RXRB: variants seen among roughly 807,000 people sequenced by gnomAD.
The protein encoded by RXRB is retinoid X receptor beta.
RXRB carries 18 observed loss-of-function variants against 52.5 expected under a neutral mutation model. That is an observed-to-expected ratio of 0.34 (90% CI 0.24 to 0.51). The LOEUF (loss-of-function observed/expected upper bound fraction) is 0.51, where lower values mean the gene tolerates loss of function less well. RXRB is among the 20% of genes least tolerant of loss of function. RXRB has a pLI of 0.97. For missense variants in RXRB, 455 were observed against 698.2 expected (o/e 0.65, Z 3.92); for synonymous variants, 233 against 267.1 (o/e 0.87, Z 1.25).
intron 1 of RXRB, 145 bp from the exon 2 acceptor site, chr6:33,199,561 A>G (rs970943949): frequency 1.1e-4 from 62 of 558,034 alleles, no homozygotes; most frequent in Middle Eastern, 4.7e-4. Flanking sequence ...CCCATCCCCA[A>G]GTTCAGAGAC....
chr6:33,200,245 G>T lies in RXRB; in HGVS notation c.232C>A (p.Arg78=). The T allele has an allele frequency of 6.2e-7, 1 of 1,605,814 alleles. No individual in the cohort carries two copies. The highest frequency in any genetic ancestry group is 1.1e-5 in the South Asian group (1 of 90,738). Residue 78 remains arginine, a synonymous_variant, in exon 1 of 10, where the codon CGG becomes AGG. Transcript: ENST00000374680. The surrounding 1 kb of genome is among the most constrained non-coding windows in gnomAD (Gnocchi z 6.3). The part of the protein sequence containing the change: ...AGRDGMGDSG[R]DSRSPDSSSP... ...GCCCTTCTGCTGGGGCACTCACCCC[G>T]CCCGCTGTCGCCCATCCCGTCCCGT...
upstream of RXRB, chr6:33,200,768 T>A (rs1328891808): frequency 4.0e-5 from 61 of 1,534,050 alleles, no homozygotes; most frequent in Non-Finnish European, 5.2e-5. This position sits in a 1 kb window ranked among gnomAD's most constrained non-coding sequence, Gnocchi z 6.3. Flanking sequence ...TCAAATCACC[T>A]CCACACTCGC....
chr6:33,195,796 A>C lies in RXRB; in HGVS notation c.1124-94T>G. 6.3e-7 allele frequency: 1 copy of C among 1,598,336 alleles called. No homozygotes were observed. The highest frequency in any genetic ancestry group is 8.5e-7 in the Non-Finnish European group (1 of 1,171,908). The stretch of plus-strand genomic sequence containing the variant: ...GAAGGAGAAAAGAGGTGGCGAGGTC[A>C]GCAAGTTTGGCTCCCTGGGTACGCA... On this transcript the variant is annotated intron_variant, in intron 6 of 9. Coordinates refer to ENST00000374680, the MANE Select transcript of RXRB (RefSeq NM_021976.5). The surrounding 1 kb of genome is among the most constrained non-coding windows in gnomAD (Gnocchi z 8.6).
intron 1 of RXRB, chr6:33,199,865 C>G: frequency 4.9e-6 from 3 of 617,536 alleles, no homozygotes; most frequent in Non-Finnish European, 9.3e-6. Flanking sequence ...GGTAGACCAT[C>G]GAGCCCCTCT....
chr6:33,195,251 TC>T lies in RXRB; in HGVS notation c.1348+111del, dbSNP rs959520467. On this transcript the variant is annotated intron_variant, in intron 8 of 9. Coordinates refer to ENST00000374680, the MANE Select transcript of RXRB (RefSeq NM_021976.5). This position sits in a 1 kb window ranked among gnomAD's most constrained non-coding sequence, Gnocchi z 8.6. ...TTTTTCCTCGGCCAGTTGGGAGATT[TC>T]CAGGTTGAGGGTCTTACTGAGGGGG... The T allele has an allele frequency of 1.2e-6, 1 of 828,672 alleles. No individual in the cohort carries two copies. Among genetic ancestry groups the T allele is most frequent in the African/African-American group, 1.7e-5 (1 of 59,732 alleles). 51.3% of individuals were successfully genotyped at this position (828,672 alleles called of 1,614,324 possible). A position where few individuals can be genotyped will look rare whatever the true frequency, so the allele number is the denominator to read the frequency against.
At position 33,195,797 on chromosome 6, in the gene RXRB, G is replaced by T; in HGVS notation, c.1124-95C>A. On this transcript the variant is annotated intron_variant, in intron 6 of 9. Coordinates refer to ENST00000374680, the MANE Select transcript of RXRB (RefSeq NM_021976.5). This position sits in a 1 kb window ranked among gnomAD's most constrained non-coding sequence, Gnocchi z 8.6. ...AAGGAGAAAAGAGGTGGCGAGGTCA[G>T]CAAGTTTGGCTCCCTGGGTACGCAA... 1 of 1,596,810 alleles carries T rather than the reference G, an allele frequency of 6.3e-7. No individual in the cohort carries two copies.
chr6:33,198,622 G>C (rs1413536274), intron 2 of RXRB, 158 bp from the exon 3 acceptor site: 2 of 761,570 alleles, frequency 2.6e-6, no homozygotes, highest in Non-Finnish European at 4.6e-6. Context: ...GCCATCCCTG[G>C]AGCACAACCC....
At chr6:33,198,069 A>G in intron 3 of RXRB, 128 bp from the exon 4 acceptor site, 1 of 1,103,954 alleles carries the variant, frequency 9.1e-7, no homozygotes. Context: ...ATAGGGAACC[A>G]GGAGCTGAGT....
chr6:33,199,687 C>T (rs539105177), intron 1 of RXRB: 4 of 462,788 alleles, frequency 8.6e-6, no homozygotes, highest in African/African-American at 1.9e-5. Flanking sequence ...CTATATTTGA[C>T]TGGCTAAAAA....
At position 33,195,526 on chromosome 6, in the gene RXRB, C is replaced by T. The variant is rs1310388890; in HGVS notation, c.1256+44G>A. 3 of 1,613,024 alleles carry T rather than the reference C, an allele frequency of 1.9e-6. No individual in the cohort carries two copies. The Admixed American group carries it at 5.0e-5, about 27-fold the overall frequency. On this transcript the variant is annotated intron_variant, in intron 7 of 9. Transcript: ENST00000374680. This position sits in a 1 kb window ranked among gnomAD's most constrained non-coding sequence, Gnocchi z 8.6. Reference sequence around the variant, plus strand: ...CTTGGACACGGACCAGCCTATAGCCCCACCCCCTCTATCTACATGCCAGCC... The same window carrying T: ...CTTGGACACGGACCAGCCTATAGCCTCACCCCCTCTATCTACATGCCAGCC...
At position 33,197,751 on chromosome 6, in the gene RXRB, C is replaced by A; in HGVS notation, c.820+11G>T. On this transcript the variant is annotated intron_variant, in intron 4 of 9. Transcript: ENST00000374680. This position sits in a 1 kb window ranked among gnomAD's most constrained non-coding sequence, Gnocchi z 4.4. ...TGTGGTCTAAGACGCCTGGGCAGGG[C>A]GGGTCCTTACCCTCCCTCTTCATGC... 5 of 1,612,780 alleles carry A rather than the reference C, an allele frequency of 3.1e-6. No homozygotes were observed. The highest frequency in any genetic ancestry group is 4.2e-6 in the Non-Finnish European group (5 of 1,179,254).
Position 33,198,380 on chromosome 6 carries a change from G to A in RXRB, c.568C>T (p.His190Tyr). ...GGGCCACCTGGAGGGGGTGGACAGT[G>A]CAGGCCCCGGACCCCTAAGACTGGT... ...KPPVLGVRGL[H>Y]CPPPPGGPGA... The change falls in exon 3 of 10, where the codon CAC (histidine) becomes TAC (tyrosine). Residue 190 changes from histidine to tyrosine, a missense_variant. Physicochemically the swap from His to Tyr is moderately conservative, Grantham distance 83 (BLOSUM62 2). Coordinates refer to ENST00000374680, the MANE Select transcript of RXRB (RefSeq NM_021976.5). 1 of 1,612,862 alleles carries A rather than the reference G, an allele frequency of 6.2e-7. No homozygotes were observed. The highest frequency in any genetic ancestry group is 8.5e-7 in the Non-Finnish European group (1 of 1,179,882).
chr6:33,199,951 G>T (rs1321687023), intron 1 of RXRB: 6 of 739,844 alleles, frequency 8.1e-6, no homozygotes, highest in Non-Finnish European at 1.5e-5. Flanking sequence ...CTAAGACGCA[G>T]GATCTGCCTG....
In RXRB at chr6:33,197,816, G is replaced by A. The variant is rs935889766; in HGVS notation, c.766C>T (p.Arg256Cys). ...TTCTGATAGCGGCAGTACTGACAGC[G>A]GTTCCGCTGGCGCTTGTCCACTGTG... Reference protein sequence around the residue: ...DCTVDKRQRNRCQYCRYQKCL... With the variant: ...DCTVDKRQRNCCQYCRYQKCL... Residue 256 changes from arginine to cysteine, a missense_variant, in exon 4 of 10, where the codon CGC becomes TGC. Transcript: ENST00000374680. This position sits in a 1 kb window ranked among gnomAD's most constrained non-coding sequence, Gnocchi z 4.4. The A allele has an allele frequency of 6.2e-7, 1 of 1,613,984 alleles. No individual in the cohort carries two copies. The highest frequency in any genetic ancestry group is 8.5e-7 in the Non-Finnish European group (1 of 1,180,036).
chr6:33,194,553 T>G lies in RXRB; in HGVS notation c.*129A>C, dbSNP rs1773741750. The G allele has an allele frequency of 1.0e-6, 1 of 957,004 alleles. No homozygotes were observed. Among genetic ancestry groups the G allele is most frequent in the African/African-American group, 1.7e-5 (1 of 60,410 alleles). The allele number at this position is 957,004 out of a possible 1,614,324, so 59.3% of individuals were successfully genotyped here. On this transcript the variant is annotated 3_prime_UTR_variant, in exon 10 of 10. Transcript: ENST00000374680. The surrounding 1 kb of genome is among the most constrained non-coding windows in gnomAD (Gnocchi z 4.1). ...AGATCCCTTGGAGGGTTTATGTTCT[T>G]GGTTCTGCCCTGTACTTCTCACCCC...
At chr6:33,199,056 T>G in intron 2 of RXRB, 113 bp downstream of exon 2, 1 of 692,238 alleles carries the variant, frequency 1.4e-6, no homozygotes, top group Non-Finnish European at 2.1e-6. Context: ...CCTGACAAGG[T>G]TAGAGGATTG....
chr6:33,195,244 G>T lies in RXRB; in HGVS notation c.1348+119C>A. 1.2e-6 allele frequency: 1 copy of T among 811,234 alleles called. No homozygotes were observed. 50.3% of individuals were successfully genotyped at this position (811,234 alleles called of 1,614,324 possible). A position where few individuals can be genotyped will look rare whatever the true frequency, so the allele number is the denominator to read the frequency against. On this transcript the variant is annotated intron_variant, in intron 8 of 9. Coordinates refer to ENST00000374680, the MANE Select transcript of RXRB (RefSeq NM_021976.5). This position sits in a 1 kb window ranked among gnomAD's most constrained non-coding sequence, Gnocchi z 8.6. ...ATGTGGGTTTTTCCTCGGCCAGTTGGGAGATTTCCAGGTTGAGGGTCTTAC... is the reference window on the plus strand; with the variant it reads ...ATGTGGGTTTTTCCTCGGCCAGTTGTGAGATTTCCAGGTTGAGGGTCTTAC...
At position 33,194,998 on chromosome 6, in the gene RXRB, C is replaced by A; in HGVS notation, c.1401G>T (p.Val467=). The A allele has an allele frequency of 6.2e-7, 1 of 1,612,972 alleles. No homozygotes were observed. The highest frequency in any genetic ancestry group is 1.7e-5 in the Admixed American group (1 of 60,028). ...PSEVEVLREK[V]YASLETYCKQ... is the part of the protein sequence containing the mutation. ...TGCAGTAGGTCTCCAGTGATGCATA[C>A]ACTTTCTCCCGCAGGACCTCCACCT... The change falls in exon 9 of 10, where the codon GTG becomes GTT. Residue 467 remains valine, a synonymous_variant. Coordinates refer to ENST00000374680, the MANE Select transcript of RXRB (RefSeq NM_021976.5). The surrounding 1 kb of genome is among the most constrained non-coding windows in gnomAD (Gnocchi z 4.1).
Position 33,196,234 on chromosome 6 carries a change from G to T in RXRB, c.994-198C>A. On this transcript the variant is annotated intron_variant, in intron 5 of 9. Transcript: ENST00000374680. The surrounding 1 kb of genome is among the most constrained non-coding windows in gnomAD (Gnocchi z 4.0). ...GGGACATGCCTATGGTTCTGCCAGT[G>T]GGTTGTTTGGGGAGTGGAGACAGAA... 1.1e-6 allele frequency: 1 copy of T among 915,618 alleles called. No homozygotes were observed. Among genetic ancestry groups the T allele is most frequent in the Non-Finnish European group, 1.7e-6 (1 of 572,106 alleles). 56.7% of individuals were successfully genotyped at this position (915,618 alleles called of 1,614,324 possible).
Sources: gnomAD v4.1 joint callset for allele counts on GRCh38, gnomAD v4.1.1 for gene constraint, Gnocchi (gnomAD v3.1) non-coding constraint, MANE v1.5 for transcripts, NCBI Gene and HGNC (gene_info 2026-07-23, HGNC 2026-07-21) for gene names.